The following NIPBL variants were observed in gnomAD, a reference collection of about 807,000 sequenced individuals.
The protein encoded by NIPBL is nipped-B-like protein.
Under a neutral mutation model 321.8 loss-of-function variants are expected in NIPBL, and 19 were observed. The ratio of observed to expected loss-of-function variants is 0.06; its 90% CI spans 0.04 to 0.09. NIPBL has a LOEUF of 0.09. Among genes scored for constraint, NIPBL ranks in the 10% least tolerant of loss-of-function variants. The pLI is 1.00. For missense variants in NIPBL, 2,210 were observed against 3,327.0 expected, an observed-to-expected ratio of 0.66 and a Z score of 8.26; for synonymous variants, 1,106 against 1,114.1, an observed-to-expected ratio of 0.99 and a Z score of 0.14.
chr5:37,064,055 T>C (rs1481356883), intron 46 of NIPBL, 77 bp downstream of exon 46: 28 of 1,560,078 alleles, frequency 1.8e-5, no homozygotes, highest in Non-Finnish European at 2.2e-5. Flanking sequence ...TATGTCAGTC[T>C]ATTAAATGTA....
chr5:37,061,067 C>A (rs757531998), intron 45 of NIPBL, 49 bp downstream of exon 45: 7 of 1,445,426 alleles, frequency 4.8e-6, no homozygotes, highest in South Asian at 4.6e-5. Flanking sequence ...GCTTTTTTGA[C>A]AAGTAAATGT....
At chr5:36,975,364 T>C (rs1252332013) in intron 8 of NIPBL, among the ~76,000 whole-genome samples, 1 of 152,136 alleles carries the variant, frequency 6.6e-6, no homozygotes, top group East Asian at 1.9e-4. Flanking sequence ...TACTTATTCT[T>C]ACTTTAATCA....
chr5:36,929,862 G>C (rs941655027), intron 1 of NIPBL, among the ~76,000 whole-genome samples: 2 of 151,878 alleles, frequency 1.3e-5, no homozygotes, highest in African/African-American at 4.8e-5. Flanking sequence ...TGAATTTTGT[G>C]GGCATCTTTG....
intron 1 of NIPBL, among the ~76,000 whole-genome samples, chr5:36,918,178 T>G (rs1440203502): frequency 6.6e-6 from 1 of 152,120 alleles, no homozygotes; most frequent in Non-Finnish European, 1.5e-5. Flanking sequence ...CTTCCATTTG[T>G]TTGTATCCTC....
intron 1 of NIPBL, among the ~76,000 whole-genome samples, chr5:36,893,409 C>T (rs940027054): frequency 6.6e-6 from 1 of 152,090 alleles, no homozygotes; most frequent in Middle Eastern, 3.2e-3. Flanking sequence ...TTAGTACTTT[C>T]CAAGGTTCTA....
At chr5:36,888,107 A>G (rs1746054081) in intron 1 of NIPBL, among the ~76,000 whole-genome samples, 1 of 152,154 alleles carries the variant, frequency 6.6e-6, no homozygotes, top group African/African-American at 2.4e-5. Context: ...CTGAACATAC[A>G]GTTTTCTCAG....
At chr5:37,058,251 G>A (rs557612731) in intron 43 of NIPBL, among the ~76,000 whole-genome samples, 69 of 152,260 alleles carry the variant, frequency 4.5e-4, no homozygotes, top group African/African-American at 1.6e-3. Context: ...TAATTTCCCA[G>A]GAGCTTTAGC....
At chr5:37,042,759 G>A (rs1025581615) in intron 34 of NIPBL, among the ~76,000 whole-genome samples, 17 of 151,666 alleles carry the variant, frequency 1.1e-4, no homozygotes, top group African/African-American at 4.1e-4. Flanking sequence ...TCAGGAGGCG[G>A]AGGTTGCAGT....
rs1739760150 is a variant in NIPBL at position 36,946,989 on chromosome 5, T to C, written c.-79-6629T>C. Reference sequence around the variant, plus strand: ...TTCAAATCCTATTTCTGCTGCATGCTGCCTGTTTAGCTGTAGAGAGAGTAT... The same window carrying C: ...TTCAAATCCTATTTCTGCTGCATGCCGCCTGTTTAGCTGTAGAGAGAGTAT... On this transcript the variant is annotated intron_variant, in intron 1 of 46. Transcript: ENST00000282516. Among the ~76,000 whole-genome samples, 4 of 152,134 alleles carry C rather than the reference T, an allele frequency of 2.6e-5. No homozygotes were observed. The South Asian group carries it at 8.3e-4, about 31-fold the overall frequency.
Position 37,048,898 on chromosome 5 carries a change from G to A in NIPBL, c.6764-213G>A, listed in dbSNP as rs918582255. On this transcript the variant is annotated intron_variant, in intron 39 of 46. Transcript: ENST00000282516. ...TGTAAACATTAACATTTTGAGGGAG[G>A]AAAGAGATTATAGTTCTCACTGGGT... Among the ~76,000 whole-genome samples the A allele has an allele frequency of 6.6e-5, 10 of 151,994 alleles. No homozygotes were observed. In the Middle Eastern group the frequency reaches 0.01, roughly 155 times the overall value.
intron 16 of NIPBL, 143 bp downstream of exon 16, chr5:37,003,490 T>G (rs1477404840): frequency 1.9e-5 from 11 of 582,978 alleles, no homozygotes; most frequent in Non-Finnish European, 3.1e-5. Context: ...ATAATTTTTA[T>G]TACAGTCTAT....
intron 1 of NIPBL, chr5:36,886,013 T>C: frequency 1.4e-6 from 1 of 719,700 alleles, no homozygotes; most frequent in East Asian, 2.6e-5. Context: ...AGACAAGTAC[T>C]GGTCTCAGCA....
At chr5:36,978,705 G>C (rs1743794502) in intron 9 of NIPBL, among the ~76,000 whole-genome samples, 1 of 151,776 alleles carries the variant, frequency 6.6e-6, no homozygotes, top group African/African-American at 2.4e-5. Flanking sequence ...TTTCTTCTAG[G>C]ATTTTTATTG....
chr5:36,931,196 T>G (rs2149571882), intron 1 of NIPBL, among the ~76,000 whole-genome samples: 1 of 152,318 alleles, frequency 6.6e-6, no homozygotes, highest in South Asian at 2.1e-4. Context: ...GTTAGGGATC[T>G]ATTCAGAGTT....
intron 1 of NIPBL, among the ~76,000 whole-genome samples, chr5:36,924,906 C>T (rs988729070): frequency 6.6e-6 from 1 of 152,116 alleles, no homozygotes; most frequent in African/African-American, 2.4e-5. Flanking sequence ...TGACTACTTA[C>T]ATCCATTATA....
intron 1 of NIPBL, among the ~76,000 whole-genome samples, chr5:36,932,955 A>G (rs973301802): frequency 2.6e-5 from 4 of 151,898 alleles, no homozygotes; most frequent in African/African-American, 9.6e-5. Flanking sequence ...ATAGGAGTAC[A>G]TTGGAGTACA....
chr5:36,981,989 A>T (rs1166254733), intron 9 of NIPBL, among the ~76,000 whole-genome samples: 1 of 151,746 alleles, frequency 6.6e-6, no homozygotes, highest in African/African-American at 2.4e-5. Flanking sequence ...TTCTGCTTTA[A>T]GTGTTTTCAT....
At chr5:37,009,090 C>A (rs1354205260) in intron 20 of NIPBL, among the ~76,000 whole-genome samples, 2 of 152,116 alleles carry the variant, frequency 1.3e-5, no homozygotes, top group African/African-American at 4.8e-5. Flanking sequence ...GTTGTGACAA[C>A]CAAAATTATT....
intron 10 of NIPBL, chr5:36,995,196 G>A (rs1416587923): frequency 1.2e-5 from 2 of 169,860 alleles, no homozygotes; most frequent in South Asian, 2.9e-4. Flanking sequence ...CTTGTATTGA[G>A]GGGTAACATT....
Sources: allele counts gnomAD v4.1 joint callset (sites outside exome capture counted in the v4.1 genomes callset), GRCh38; gene constraint gnomAD v4.1.1; transcripts MANE v1.5; gene names NCBI Gene and HGNC (gene_info 2026-07-23, HGNC 2026-07-21).